Variants in ZNF548 observed in about 807,000 individuals in gnomAD.
ZNF548 encodes zinc finger protein 548.
Under a neutral mutation model 10.2 loss-of-function variants are expected in ZNF548, and 10 were observed. That is an observed-to-expected ratio of 0.98 (90% CI 0.60 to 1.66). The LOEUF (loss-of-function observed/expected upper bound fraction) is 1.66. ZNF548 is among the 40% of genes most tolerant of loss of function. The pLI is 0.00. For missense variants in ZNF548, 599 were observed against 657.0 expected, an observed-to-expected ratio of 0.91 and a Z score of 0.97; for synonymous variants, 217 against 223.5, an observed-to-expected ratio of 0.97 and a Z score of 0.26.
At position 57,397,113 on chromosome 19, in the gene ZNF548, G is replaced by T; in HGVS notation, c.117G>T (p.Glu39Asp). Residue 39 changes from glutamate to aspartate, a missense_variant, in exon 3 of 4, where the codon GAG (glutamate) becomes GAT (aspartate). Glu to Asp is a conservative substitution (Grantham distance 45). Coordinates refer to ENST00000336128, the MANE Select transcript of ZNF548 (RefSeq NM_001172773.2). ...AGGAGGAGTGGGGGCACCTTGATGA[G>T]GCTCAGAGATTGCTGTACCGTGATG... ...FSQEEWGHLD[E>D]AQRLLYRDVM... The T allele has an allele frequency of 6.2e-7, 1 of 1,613,724 alleles. No homozygotes were observed. Among genetic ancestry groups the T allele is most frequent in the Non-Finnish European group, 8.5e-7 (1 of 1,179,792 alleles).
chr19:57,394,654 C>A (rs1433522961), intron 2 of ZNF548, among the ~76,000 whole-genome samples: 1 of 151,992 alleles, frequency 6.6e-6, no homozygotes, highest in African/African-American at 2.4e-5. Context: ...AGTGATAGGA[C>A]CCCAGTTTAA....
At position 57,398,512 on chromosome 19, in the gene ZNF548, G is replaced by T; in HGVS notation, c.261G>T (p.Lys87Asn). 1.9e-6 allele frequency: 3 copies of T among 1,614,158 alleles called. No individual in the cohort carries two copies. The highest frequency in any genetic ancestry group is 2.5e-6 in the Non-Finnish European group (3 of 1,179,982). ...GAGTGTCAGAGGTTACAGCTTCAAA[G>T]CCCTGTCTGTCCAGCCAGAAGGTCC... is the stretch of plus-strand genomic sequence containing the variant. ...SVGVSEVTAS[K>N]PCLSSQKVHP... The change falls in exon 4 of 4, where the codon AAG becomes AAT. Residue 87 changes from lysine (K) to asparagine (N), a missense_variant. Physicochemically the swap from Lys to Asn is moderately conservative, Grantham distance 94. Transcript: ENST00000336128.
At chr19:57,394,338 A>G in intron 2 of ZNF548, 115 bp downstream of exon 2, 1 of 1,113,764 alleles carries the variant, frequency 9.0e-7, no homozygotes, top group Non-Finnish European at 1.3e-6. Context: ...GAGTGGTTTC[A>G]CCAGTTAGTT....
intron 3 of ZNF548, among the ~76,000 whole-genome samples, chr19:57,397,965 G>C (rs1268713674): frequency 6.6e-6 from 1 of 152,108 alleles, no homozygotes; most frequent in African/African-American, 2.4e-5. Flanking sequence ...GTACTTCTGG[G>C]GCCACCACCC....
chr19:57,393,385 G>T (rs1450052096), intron 1 of ZNF548, among the ~76,000 whole-genome samples: 1 of 152,050 alleles, frequency 6.6e-6, no homozygotes, highest in Non-Finnish European at 1.5e-5. Context: ...AGTGAGCCGG[G>T]TGTGGTGGCT....
chr19:57,390,134 C>T lies in ZNF548; in HGVS notation c.15+20C>T. 1.9e-6 allele frequency: 3 copies of T among 1,606,282 alleles called. No homozygotes were observed. Among genetic ancestry groups the T allele is most frequent in the Non-Finnish European group, 2.5e-6 (3 of 1,179,088 alleles). ...ACTGAGGTGGGTGTCCCGTCCCAGGCTCCCCCGCCCGACCGGTCCTCCCAG... is the reference window on the plus strand; with the variant it reads ...ACTGAGGTGGGTGTCCCGTCCCAGGTTCCCCCGCCCGACCGGTCCTCCCAG... On this transcript the variant is annotated intron_variant, in intron 1 of 3. Coordinates refer to ENST00000336128, the MANE Select transcript of ZNF548 (RefSeq NM_001172773.2).
intron 1 of ZNF548, 86 bp downstream of exon 1, chr19:57,390,200 T>TCTTCGGGACAAGG: frequency 6.8e-7 from 1 of 1,477,092 alleles, no homozygotes; most frequent in Non-Finnish European, 9.2e-7. Flanking sequence ...TCAGGCCCCT[T>TCTTCGGGACAAGG]GTCCCGAAGA....
At chr19:57,392,826 G>T in intron 1 of ZNF548, 1 of 985,450 alleles carries the variant, frequency 1.0e-6, no homozygotes, top group Non-Finnish European at 1.2e-6. Flanking sequence ...AGAGAACAGG[G>T]GGCTGAGACT....
At position 57,398,710 on chromosome 19, in the gene ZNF548, G is replaced by C. The variant is rs200335256; in HGVS notation, c.459G>C (p.Gly153=). 1.5e-4 allele frequency: 244 copies of C among 1,614,072 alleles called. No individual in the cohort carries two copies. Among genetic ancestry groups the C allele is most frequent in the African/African-American group, 1.3e-3 (98 of 75,054 alleles). The change falls in exon 4 of 4, where the codon GGG becomes GGC. Residue 153 remains glycine, a synonymous_variant. Transcript: ENST00000336128. ...GGGATGATTGGATACCTTCATTTGG[G>C]AAGAACCACAGAGTTCACATGGCAG... The part of the protein sequence containing the change: ...SRGDDWIPSF[G]KNHRVHMAEE...
intron 1 of ZNF548, chr19:57,392,704 T>G: frequency 1.2e-6 from 1 of 866,116 alleles, no homozygotes; most frequent in South Asian, 5.3e-5. Flanking sequence ...TGTCTATTTC[T>G]ATCCATTACC....
intron 1 of ZNF548, chr19:57,390,976 T>C (rs2088619903): frequency 6.6e-6 from 1 of 152,256 alleles, no homozygotes; most frequent in South Asian, 2.1e-4. Flanking sequence ...TTTGTTTGCA[T>C]AAATTTAAGG....
rs777832943 is a variant in ZNF548 at position 57,398,617 on chromosome 19, C to A, written c.366C>A (p.His122Gln). 1.9e-6 allele frequency: 3 copies of A among 1,613,922 alleles called. No homozygotes were observed. The highest frequency in any genetic ancestry group is 2.5e-6 in the Non-Finnish European group (3 of 1,179,910). Residue 122 changes from histidine to glutamine, a missense_variant, in exon 4 of 4, where the codon CAC (histidine) becomes CAA (glutamine). By Grantham distance (24) the His-to-Gln change is conservative. Transcript: ENST00000336128. The part of the protein sequence containing the change: ...VEHNGIHPEQ[H>Q]IYICEAELFQ... ...ACAATGGAATTCATCCTGAGCAACA[C>A]ATATATATTTGTGAGGCAGAGCTTT...
At chr19:57,391,040 C>T (rs920620419) in intron 1 of ZNF548, among the ~76,000 whole-genome samples, 1 of 152,138 alleles carries the variant, frequency 6.6e-6, no homozygotes, top group Admixed American at 6.5e-5. Context: ...CAAGTCTGGG[C>T]TTTTAATGTA....
intron 3 of ZNF548, among the ~76,000 whole-genome samples, chr19:57,398,129 G>T (rs903748860): frequency 6.6e-6 from 1 of 152,208 alleles, no homozygotes; most frequent in Non-Finnish European, 1.5e-5. Context: ...CACACTGCTT[G>T]CCAGTCTCCA....
chr19:57,397,127 T>G lies in ZNF548; in HGVS notation c.131T>G (p.Leu44Arg), dbSNP rs1323850453. The stretch of plus-strand genomic sequence containing the variant: ...CACCTTGATGAGGCTCAGAGATTGC[T>G]GTACCGTGATGTGATGCTGGAGAAT... ...WGHLDEAQRL[L>R]YRDVMLENLA... Residue 44 changes from leucine to arginine, a missense_variant, in exon 3 of 4, where the codon CTG (leucine) becomes CGG (arginine). Transcript: ENST00000336128. 1.2e-6 allele frequency: 2 copies of G among 1,613,232 alleles called. No individual in the cohort carries two copies. Among genetic ancestry groups the G allele is most frequent in the Non-Finnish European group, 1.7e-6 (2 of 1,179,632 alleles).
chr19:57,397,702 G>A (rs908816446), intron 3 of ZNF548, among the ~76,000 whole-genome samples: 2 of 152,124 alleles, frequency 1.3e-5, no homozygotes, highest in African/African-American at 4.8e-5. Context: ...CTTTCCCCTA[G>A]AGAGGGCCCC....
intron 1 of ZNF548, among the ~76,000 whole-genome samples, chr19:57,392,243 A>C (rs1217085275): frequency 6.6e-6 from 1 of 152,104 alleles, no homozygotes; most frequent in Non-Finnish European, 1.5e-5. Context: ...TTCAGGTTGT[A>C]CATTTACTTG....
At chr19:57,392,760 A>G in intron 1 of ZNF548, 1 of 985,334 alleles carries the variant, frequency 1.0e-6, no homozygotes, top group Non-Finnish European at 1.2e-6. Context: ...TTGAAGTCAG[A>G]TGGACTTAAT....
intron 2 of ZNF548, among the ~76,000 whole-genome samples, 196 bp downstream of exon 2, chr19:57,394,419 T>C (rs1051533658): frequency 3.9e-5 from 6 of 152,246 alleles, no homozygotes; most frequent in Non-Finnish European, 8.8e-5. Context: ...TGATAAGATA[T>C]GTTTGGGCCT....
Sources: gnomAD v4.1 joint callset for allele counts (sites outside exome capture counted in the v4.1 genomes callset) on GRCh38, gnomAD v4.1.1 for gene constraint, MANE v1.5 for transcripts, NCBI Gene and HGNC (gene_info 2026-07-23, HGNC 2026-07-21) for gene names.